Variants in CEP170 observed in about 807,000 individuals in gnomAD.
CEP170 encodes centrosomal protein of 170 kDa.
Under a neutral mutation model 151.9 loss-of-function variants are expected in CEP170, and 21 were observed. That is an observed-to-expected ratio of 0.14 (90% CI 0.10 to 0.20). CEP170 has a LOEUF of 0.20. Among genes scored for constraint, CEP170 ranks in the 10% least tolerant of loss-of-function variants. CEP170 has a pLI of 1.00. For missense variants in CEP170, 964 were observed against 1,892.9 expected (o/e 0.51, Z 9.11); for synonymous variants, 356 against 648.8 (o/e 0.55, Z 6.86).
Position 243,165,698 on chromosome 1 carries a change from C to G in CEP170, c.2262G>C (p.Arg754Ser). 3 of 1,614,084 alleles carry G rather than the reference C, an allele frequency of 1.9e-6. No individual in the cohort carries two copies. The highest frequency in any genetic ancestry group is 2.5e-6 in the Non-Finnish European group (3 of 1,179,910). The stretch of plus-strand genomic sequence containing the variant: ...TAGTAGGTGTCCACTGAGCCTCCTC[C>G]CTTTGTTCTTGTTGTTGAAGTTTTG... ...TLAKLQQQEQ[R>S]EEAQWTPTKL... Residue 754 changes from arginine to serine, a missense_variant, in exon 13 of 20, where the codon AGG becomes AGC. Transcript: ENST00000366542.
intron 1 of CEP170, among the ~76,000 whole-genome samples, chr1:243,237,272 A>T (rs2064339104): frequency 6.6e-6 from 1 of 152,210 alleles, no homozygotes; most frequent in African/African-American, 2.4e-5. Flanking sequence ...TGATGATGGA[A>T]ATATTCCTGT....
At chr1:243,224,451 T>TAA (rs1043533676) in intron 2 of CEP170, among the ~76,000 whole-genome samples, 3 of 139,210 alleles carry the variant, frequency 2.2e-5, no homozygotes. Flanking sequence ...GCTGATGAAC[T>TAA]AAAAAAAAAA....
At chr1:243,131,691 T>C (rs1307535575) in intron 17 of CEP170, among the ~76,000 whole-genome samples, 5 of 152,028 alleles carry the variant, frequency 3.3e-5, no homozygotes, top group Non-Finnish European at 7.4e-5. Flanking sequence ...GACCAGAACT[T>C]GTTTTTGTTT....
intron 4 of CEP170, chr1:243,211,629 A>C (rs1246256354): frequency 5.2e-6 from 2 of 385,430 alleles, no homozygotes; most frequent in East Asian, 1.1e-4. Flanking sequence ...ATAGCACTTC[A>C]GTGAGACTGA....
chr1:243,236,003 T>C (rs1332961080), intron 1 of CEP170, among the ~76,000 whole-genome samples: 1 of 152,208 alleles, frequency 6.6e-6, no homozygotes, highest in Non-Finnish European at 1.5e-5. Flanking sequence ...CTACCCTCAT[T>C]AAAGCATAAT....
intron 14 of CEP170, among the ~76,000 whole-genome samples, chr1:243,155,237 G>C (rs777040612): frequency 6.6e-6 from 1 of 152,080 alleles, no homozygotes; most frequent in Non-Finnish European, 1.5e-5. Flanking sequence ...GATGACAAGT[G>C]AATAGTCTTT....
At chr1:243,180,651 C>T (rs1361215716) in intron 10 of CEP170, among the ~76,000 whole-genome samples, 4 of 152,164 alleles carry the variant, frequency 2.6e-5, no homozygotes, top group African/African-American at 9.7e-5. Flanking sequence ...GGTTTATCAT[C>T]GTTTCCCTGG....
chr1:243,250,743 T>C lies in CEP170; in HGVS notation c.-42+4297A>G, dbSNP rs535227832. Among the ~76,000 whole-genome samples, 324 of 152,328 alleles carry C rather than the reference T, an allele frequency of 2.1e-3. 1 individual carries two copies. The highest frequency in any genetic ancestry group is 3.4e-3 in the Non-Finnish European group (231 of 68,014). On this transcript the variant is annotated intron_variant, in intron 1 of 19. Transcript: ENST00000366542. ...GTACCTTGAATTACATAAATATAAC[T>C]TGAAAAGCCATGTAACATTTCTCTC...
chr1:243,163,750 G>A (rs2058244300), intron 13 of CEP170, among the ~76,000 whole-genome samples: 1 of 152,048 alleles, frequency 6.6e-6, no homozygotes, highest in African/African-American at 2.4e-5. Context: ...AAAAGTATAG[G>A]TAAAGTATGT....
intron 14 of CEP170, among the ~76,000 whole-genome samples, chr1:243,144,121 A>C (rs1175666195): frequency 6.6e-6 from 1 of 152,228 alleles, no homozygotes; most frequent in South Asian, 2.1e-4. Flanking sequence ...AGTCCTAAAG[A>C]CTACAGCAAT....
At chr1:243,167,098 T>C (rs1345293366) in intron 12 of CEP170, among the ~76,000 whole-genome samples, 2 of 152,148 alleles carry the variant, frequency 1.3e-5, no homozygotes, top group African/African-American at 2.4e-5. Context: ...CAGAATCTAT[T>C]GTAGATTTAT....
chr1:243,161,478 C>T (rs1389894665), intron 13 of CEP170, among the ~76,000 whole-genome samples: 2 of 151,676 alleles, frequency 1.3e-5, no homozygotes, highest in Non-Finnish European at 2.9e-5. Context: ...TTAAAAAAAA[C>T]TTTTTTTTAA....
At chr1:243,210,079 C>T (rs1266319903) in intron 4 of CEP170, among the ~76,000 whole-genome samples, 1 of 152,182 alleles carries the variant, frequency 6.6e-6, no homozygotes, top group African/African-American at 2.4e-5. Flanking sequence ...AAGTGCACAA[C>T]TCTGAGAAAG....
rs377272249 is a variant in CEP170, at chr1:243,206,930, G to A, written c.274+4956C>T. On this transcript the variant is annotated intron_variant, in intron 4 of 19. Coordinates refer to ENST00000366542, the MANE Select transcript of CEP170 (RefSeq NM_014812.3). ...CACTAAAACAACAACAAAAAATTACGGCAAATAAGCCAACAAAGGAGATAA... is the reference window on the plus strand; with the variant it reads ...CACTAAAACAACAACAAAAAATTACAGCAAATAAGCCAACAAAGGAGATAA... 5.3e-5 allele frequency among the ~76,000 whole-genome samples: 8 copies of A among 151,090 alleles called. No homozygotes were observed. In the East Asian group the frequency reaches 9.8e-4, roughly 19 times the overall value.
chr1:243,186,404 C>G lies in CEP170; in HGVS notation c.1127G>C (p.Gly376Ala). The change falls in exon 9 of 20, where the codon GGT becomes GCT. Residue 376 changes from glycine (G) to alanine (A), a missense_variant. Transcript: ENST00000366542. ...AGCGTTCTCTGAATCACTTTGCGTA[C>G]CATCATCATGTTTATTTCCTGGATA... is the stretch of plus-strand genomic sequence containing the variant. ...KRLKGNKHDD[G>A]TQSDSENAGA... 6.2e-7 allele frequency: 1 copy of G among 1,605,262 alleles called. No individual in the cohort carries two copies. Among genetic ancestry groups the G allele is most frequent in the Non-Finnish European group, 8.5e-7 (1 of 1,177,146 alleles).
intron 15 of CEP170, 189 bp from the exon 16 acceptor site, chr1:243,140,296 G>A (rs1341356322): frequency 1.2e-5 from 10 of 827,832 alleles, no homozygotes; most frequent in African/African-American, 1.7e-5. Flanking sequence ...TTATAAAATC[G>A]AGATTCATCT....
At chr1:243,229,423 AG>A (rs113074237) in intron 1 of CEP170, among the ~76,000 whole-genome samples, 3 of 151,902 alleles carry the variant, frequency 2.0e-5, no homozygotes, top group South Asian at 2.1e-4. Context: ...GCTTGTAAGG[AG>A]GGAAAAAAAA....
At chr1:243,252,238 G>C (rs1158824828) in intron 1 of CEP170, among the ~76,000 whole-genome samples, 1 of 152,132 alleles carries the variant, frequency 6.6e-6, no homozygotes, top group Non-Finnish European at 1.5e-5. Context: ...AGATACTTTA[G>C]TTAGCAATTA....
intron 17 of CEP170, among the ~76,000 whole-genome samples, chr1:243,132,866 A>C (rs943126017): frequency 6.6e-6 from 1 of 152,146 alleles, no homozygotes; most frequent in African/African-American, 2.4e-5. Flanking sequence ...AGGATGAAAA[A>C]ACACTGTGTA....
Sources: allele counts gnomAD v4.1 joint callset (sites outside exome capture counted in the v4.1 genomes callset), GRCh38; gene constraint gnomAD v4.1.1; transcripts MANE v1.5; gene names NCBI Gene and HGNC (gene_info 2026-07-23, HGNC 2026-07-21).